The following BIRC6 variants were observed in gnomAD, a reference collection of about 807,000 sequenced individuals.
BIRC6 encodes the protein baculoviral IAP repeat containing 6, also known as dual E2 ubiquitin-conjugating enzyme/E3 ubiquitin-protein ligase BIRC6.
Under a neutral mutation model 503.3 loss-of-function variants are expected in BIRC6, and 98 were observed. That is an observed-to-expected ratio of 0.19 (90% confidence interval 0.17 to 0.23). The LOEUF is 0.23. Among genes scored for constraint, BIRC6 ranks in the 10% least tolerant of loss-of-function variants. The pLI, the probability that BIRC6 is intolerant of heterozygous loss-of-function variation, is 1.00. For missense variants in BIRC6, 5,360 were observed against 5,806.0 expected, an observed-to-expected ratio of 0.92 and a Z score of 2.50; for synonymous variants, 2,240 against 2,078.7, an observed-to-expected ratio of 1.08 and a Z score of -2.11.
intron 35 of BIRC6, among the ~76,000 whole-genome samples, chr2:32,478,333 T>A (rs2050002731): frequency 6.6e-6 from 1 of 152,102 alleles, no homozygotes; most frequent in Non-Finnish European, 1.5e-5. Context: ...CGAGACTGTC[T>A]CAAAAAAATA....
chr2:32,600,495 A>G (rs146083298), intron 70 of BIRC6, among the ~76,000 whole-genome samples: 1 of 152,304 alleles, frequency 6.6e-6, no homozygotes, highest in East Asian at 1.9e-4. Context: ...TAAAACTAGA[A>G]TTAGTTTTTT....
rs199524841 is a variant in BIRC6 at position 32,611,632 on chromosome 2, T to C, written c.14394+50T>C. 65 of 1,460,030 alleles carry C rather than the reference T, an allele frequency of 4.5e-5. 1 individual carries two copies. The East Asian group carries it at 7.5e-4, about 17-fold the overall frequency. The allele number at this position is 1,460,030 out of a possible 1,614,324, so 90.4% of individuals were successfully genotyped here. A position where few individuals can be genotyped will look rare whatever the true frequency, so the allele number is the denominator to read the frequency against. On this transcript the variant is annotated intron_variant, in intron 73 of 73. Coordinates refer to ENST00000421745, the MANE Select transcript of BIRC6 (RefSeq NM_016252.4). ...CCTTGTTGCTTTAAGAGTTGTGTAA[T>C]TATTGACAGAACCATGCCTACCAGA... is the stretch of plus-strand genomic sequence containing the variant.
At chr2:32,447,425 G>C (rs1345538903) in intron 21 of BIRC6, among the ~76,000 whole-genome samples, 3 of 142,684 alleles carry the variant, frequency 2.1e-5, no homozygotes, top group Admixed American at 6.9e-5. Flanking sequence ...CTGGCCGGGC[G>C]GGGGGCTGAC....
At chr2:32,541,017 A>G (rs1226558240) in intron 61 of BIRC6, among the ~76,000 whole-genome samples, 1 of 152,038 alleles carries the variant, frequency 6.6e-6, no homozygotes, top group Non-Finnish European at 1.5e-5. Flanking sequence ...AAGAATTTGA[A>G]TGCTATAAAT....
At chr2:32,370,768 G>A (rs941196835) in intron 1 of BIRC6, among the ~76,000 whole-genome samples, 1 of 152,022 alleles carries the variant, frequency 6.6e-6, no homozygotes, top group African/African-American at 2.4e-5. Context: ...TCTGATACAG[G>A]CTTGTATCTT....
At chr2:32,616,560 CAAAAA>C (rs201587938) in intron 73 of BIRC6, among the ~76,000 whole-genome samples, 10 of 99,086 alleles carry the variant, frequency 1.0e-4, no homozygotes, top group African/African-American at 4.0e-4. Flanking sequence ...ACCTTGTTCT[CAAAAA>C]AAAAAAAAAA....
At chr2:32,555,066 T>G (rs1331261905) in intron 65 of BIRC6, among the ~76,000 whole-genome samples, 2 of 152,216 alleles carry the variant, frequency 1.3e-5, no homozygotes, top group African/African-American at 2.4e-5. Flanking sequence ...AAAAATACTT[T>G]ATTTTGTTGA....
At chr2:32,377,552 A>G in intron 1 of BIRC6, 36 bp from the exon 2 acceptor site, 2 of 1,534,768 alleles carry the variant, frequency 1.3e-6, no homozygotes. Context: ...CATTGGCCTG[A>G]AAATCTTAAG....
Position 32,439,685 on chromosome 2 carries a change from A to C in BIRC6, c.3809A>C (p.Lys1270Thr). The C allele has an allele frequency of 1.2e-6, 2 of 1,612,996 alleles. No homozygotes were observed. The highest frequency in any genetic ancestry group is 1.7e-6 in the Non-Finnish European group (2 of 1,179,162). The change falls in exon 16 of 74, where the codon AAG (lysine) becomes ACG (threonine). Residue 1270 changes from lysine (K) to threonine (T), a missense_variant and splice_region_variant. By Grantham distance (78) the Lys-to-Thr change is moderately conservative. This residue lies in a region of BIRC6 where 2,299 missense variants were observed against 2,267.2 expected (regional missense o/e 1.01). Transcript: ENST00000421745. ...ASLLAKVAAG[K>T]EKSSNVKNEN... Reference sequence around the variant, plus strand: ...CTTTTGGCTAAAGTTGCAGCAGGCAAGGTATGAAACTGTCATTTTGAACAA... The same window carrying C: ...CTTTTGGCTAAAGTTGCAGCAGGCACGGTATGAAACTGTCATTTTGAACAA...
intron 55 of BIRC6, among the ~76,000 whole-genome samples, chr2:32,517,678 G>A (rs1479986521): frequency 6.6e-6 from 1 of 152,138 alleles, no homozygotes; most frequent in Non-Finnish European, 1.5e-5. Flanking sequence ...TCGGGCTCAA[G>A]AAGTCCTGCC....
chr2:32,584,996 C>G (rs958855715), intron 66 of BIRC6, among the ~76,000 whole-genome samples: 2 of 152,222 alleles, frequency 1.3e-5, no homozygotes, highest in East Asian at 3.9e-4. Context: ...TAATTCTATC[C>G]CCAAAGCCTT....
At chr2:32,431,470 A>C (rs1204225163) in intron 12 of BIRC6, among the ~76,000 whole-genome samples, 2 of 152,064 alleles carry the variant, frequency 1.3e-5, no homozygotes, top group Non-Finnish European at 2.9e-5. Flanking sequence ...TGCTGGGATT[A>C]TGGGCATGAG....
chr2:32,439,571 C>T lies in BIRC6; in HGVS notation c.3695C>T (p.Thr1232Ile). 1 of 1,613,848 alleles carries T rather than the reference C, an allele frequency of 6.2e-7. No individual in the cohort carries two copies. Among genetic ancestry groups the T allele is most frequent in the Non-Finnish European group, 8.5e-7 (1 of 1,179,826 alleles). ...IHVKAVNERG[T>I]EEICNGGMRP... is the part of the protein sequence containing the mutation. ...GTCAAGGCAGTGAATGAAAGAGGAA[C>T]AGAAGAGATTTGTAATGGTGGTATG... Residue 1232 changes from threonine (T) to isoleucine (I), a missense_variant, in exon 16 of 74, where the codon ACA becomes ATA. This residue lies in a region of BIRC6 where 2,299 missense variants were observed against 2,267.2 expected (regional missense o/e 1.01). Coordinates refer to ENST00000421745, the MANE Select transcript of BIRC6 (RefSeq NM_016252.4).
chr2:32,503,282 T>G, intron 49 of BIRC6, 46 bp downstream of exon 49: 1 of 1,501,968 alleles, frequency 6.7e-7, no homozygotes, highest in Admixed American at 2.2e-5. Context: ...ATTATCTAGT[T>G]TATTAGCTGG....
intron 9 of BIRC6, among the ~76,000 whole-genome samples, chr2:32,407,947 T>C (rs1405785040): frequency 6.6e-6 from 1 of 152,118 alleles, no homozygotes; most frequent in African/African-American, 2.4e-5. Context: ...AGGTTACTAC[T>C]ACATTTTCTT....
intron 61 of BIRC6, among the ~76,000 whole-genome samples, chr2:32,534,497 G>A (rs1265619317): frequency 1.4e-5 from 2 of 148,128 alleles, no homozygotes; most frequent in Middle Eastern, 3.9e-3. Context: ...TTGGGAGGCC[G>A]AGGCAGGCGG....
intron 16 of BIRC6, among the ~76,000 whole-genome samples, chr2:32,440,661 C>T (rs1339152690): frequency 2.0e-5 from 3 of 151,962 alleles, no homozygotes; most frequent in East Asian, 1.9e-4. Flanking sequence ...CTGTTACCTC[C>T]CTTTTTTAAA....
In BIRC6 at chr2:32,415,899, C is replaced by G. The variant is rs752993442; in HGVS notation, c.2608C>G (p.Arg870Gly). 14 of 1,613,850 alleles carry G rather than the reference C, an allele frequency of 8.7e-6. No individual in the cohort carries two copies. In the African/African-American group the frequency reaches 1.7e-4, roughly 20 times the overall value. The change falls in exon 10 of 74, where the codon CGA (arginine) becomes GGA (glycine). Residue 870 changes from arginine to glycine, a missense_variant. Coordinates refer to ENST00000421745, the MANE Select transcript of BIRC6 (RefSeq NM_016252.4). ...GCTTCCACCCGATATATTGGATAATCGAGAGGATGACTGTGAGGAACCTAT... is the reference window on the plus strand; with the variant it reads ...GCTTCCACCCGATATATTGGATAATGGAGAGGATGACTGTGAGGAACCTAT... ...ILLPPDILDNREDDCEEPIED... is the reference protein window; with the variant it reads ...ILLPPDILDNGEDDCEEPIED...
intron 35 of BIRC6, among the ~76,000 whole-genome samples, chr2:32,478,210 A>G (rs2049987204): frequency 6.6e-6 from 1 of 152,016 alleles, no homozygotes; most frequent in African/African-American, 2.4e-5. Context: ...GGTGGCATGC[A>G]CCTGTAGTCC....
Sources: allele counts gnomAD v4.1 joint callset (sites outside exome capture counted in the v4.1 genomes callset), GRCh38; gene constraint gnomAD v4.1.1; regional missense constraint gnomAD v4.1.1; transcripts MANE v1.5; gene names NCBI Gene and HGNC (gene_info 2026-07-23, HGNC 2026-07-21).